A4GALT: variants seen among roughly 807,000 people sequenced by gnomAD.
A4GALT encodes lactosylceramide 4-alpha-galactosyltransferase.
For synonymous variants in A4GALT, 257 were observed against 220.7 expected (o/e 1.16, Z -1.46); for missense variants, 512 against 486.0 (o/e 1.05, Z -0.50).
Position 42,692,926 on chromosome 22 carries a change from G to C in A4GALT, c.1026C>G (p.Cys342Trp), listed in dbSNP as rs1443074760. ...TTTTCATGGCCTCGTGCGTCGTGGG[G>C]CAGTAGCGGGCATGCAGCTGGGCCA... Reference protein sequence around the residue: ...ALLAQLHARYCPTTHEAMKMY... With the variant: ...ALLAQLHARYWPTTHEAMKMY... The change falls in exon 3 of 3, where the codon TGC becomes TGG. Residue 342 changes from cysteine to tryptophan, a missense_variant. Cys to Trp is a radical substitution (Grantham distance 215). Transcript: ENST00000642412. This position sits in a 1 kb window ranked among gnomAD's most constrained non-coding sequence, Gnocchi z 4.6. 1 of 1,608,474 alleles carries C rather than the reference G, an allele frequency of 6.2e-7. No homozygotes were observed.
At chr22:42,719,213 T>G (rs1423189244) in intron 1 of A4GALT, among the ~76,000 whole-genome samples, 2 of 152,230 alleles carry the variant, frequency 1.3e-5, no homozygotes, top group African/African-American at 4.8e-5. Flanking sequence ...TAGATGGCTG[T>G]CCATTTTGGA....
chr22:42,714,579 C>T (rs1922000413), intron 1 of A4GALT, among the ~76,000 whole-genome samples: 1 of 151,488 alleles, frequency 6.6e-6, no homozygotes. Context: ...AAAAAAAGAT[C>T]AACCTAGCCA....
chr22:42,708,210 A>G (rs1410861328), intron 1 of A4GALT, among the ~76,000 whole-genome samples: 1 of 151,678 alleles, frequency 6.6e-6, no homozygotes, highest in Non-Finnish European at 1.5e-5. Flanking sequence ...TAACATGGAG[A>G]AACCCCATCT....
intron 1 of A4GALT, among the ~76,000 whole-genome samples, chr22:42,718,927 C>T (rs1280189405): frequency 6.6e-6 from 1 of 152,206 alleles, no homozygotes; most frequent in Non-Finnish European, 1.5e-5. Context: ...GGCCGTCCAC[C>T]TGCCACCACC....
At chr22:42,714,132 A>T (rs1432766598) in intron 1 of A4GALT, among the ~76,000 whole-genome samples, 2 of 151,868 alleles carry the variant, frequency 1.3e-5, no homozygotes, top group Non-Finnish European at 2.9e-5. Flanking sequence ...AAATAAAAAT[A>T]AAACAATTAG....
intron 1 of A4GALT, among the ~76,000 whole-genome samples, chr22:42,696,985 C>T (rs957925382): frequency 1.3e-5 from 2 of 151,530 alleles, no homozygotes; most frequent in African/African-American, 4.9e-5. Flanking sequence ...TCAGAGCCCC[C>T]TCGTTTCCTC....
chr22:42,702,344 T>G (rs1408751543), intron 1 of A4GALT, among the ~76,000 whole-genome samples: 1 of 150,968 alleles, frequency 6.6e-6, no homozygotes, highest in African/African-American at 2.4e-5. Context: ...CACTCTTTTT[T>G]TTTTTTTTTT....
intron 1 of A4GALT, among the ~76,000 whole-genome samples, chr22:42,698,466 C>T (rs972497567): frequency 4.6e-5 from 7 of 152,282 alleles, no homozygotes; most frequent in East Asian, 1.9e-4. Context: ...ACAGTAAGGG[C>T]GCTACCCCTC....
rs751901609 is a variant in A4GALT, at chr22:42,692,796, G to A, written c.*94C>T. 4.7e-6 allele frequency: 7 copies of A among 1,480,290 alleles called. No individual in the cohort carries two copies. In the Admixed American group the frequency reaches 5.3e-5, roughly 11 times the overall value. 91.7% of individuals were successfully genotyped at this position (1,480,290 alleles called of 1,614,324 possible). A position where few individuals can be genotyped will look rare whatever the true frequency, so the allele number is the denominator to read the frequency against. ...CTGCCTAAGCCCGGTGGCAGCTCGG[G>A]CCTCCCTCTCCCGGGCCCTCAATCT... is the stretch of plus-strand genomic sequence containing the variant. On this transcript the variant is annotated 3_prime_UTR_variant, in exon 3 of 3. Transcript: ENST00000642412. This position sits in a 1 kb window ranked among gnomAD's most constrained non-coding sequence, Gnocchi z 4.6.
At position 42,707,973 on chromosome 22, in the gene A4GALT, G is replaced by A. The variant is rs1019681142; in HGVS notation, c.-187-12342C>T. On this transcript the variant is annotated intron_variant, in intron 1 of 2. Transcript: ENST00000642412. The stretch of plus-strand genomic sequence containing the variant: ...GTCACTACAAAAAAAAAAAAAAAAG[G>A]CTGGGTGCGGTGGCTCACGCCTGTA... Among the ~76,000 whole-genome samples, 6 of 148,918 alleles carry A rather than the reference G, an allele frequency of 4.0e-5. No individual in the cohort carries two copies. In the East Asian group the frequency reaches 1.2e-3, roughly 29 times the overall value.
rs373021077 is a variant in A4GALT at position 42,699,499 on chromosome 22, G to A, written c.-187-3868C>T. Among the ~76,000 whole-genome samples, 61 of 152,270 alleles carry A rather than the reference G, an allele frequency of 4.0e-4. No individual in the cohort carries two copies. The South Asian group carries it at 7.9e-3, about 20-fold the overall frequency. ...CCTGTCACTCTCGGTCACATCACTC[G>A]ACATTTCCTTCAATGCCCTTGGTCA... is the stretch of plus-strand genomic sequence containing the variant. On this transcript the variant is annotated intron_variant, in intron 1 of 2. Coordinates refer to ENST00000642412, the MANE Select transcript of A4GALT (RefSeq NM_017436.7).
intron 2 of A4GALT, 52 bp from the exon 3 acceptor site, chr22:42,694,049 A>C: frequency 9.0e-7 from 1 of 1,105,606 alleles, no homozygotes; most frequent in Non-Finnish European, 1.3e-6. Context: ...TTCCCGATCC[A>C]CAAGGAAAAC....
intron 1 of A4GALT, among the ~76,000 whole-genome samples, chr22:42,702,804 G>T (rs534711465): frequency 6.9e-6 from 1 of 143,920 alleles, no homozygotes; most frequent in South Asian, 2.1e-4. Context: ...TTCACTTGCC[G>T]AGGACGCACC....
At chr22:42,701,991 C>G (rs750834512) in intron 1 of A4GALT, among the ~76,000 whole-genome samples, 1 of 152,298 alleles carries the variant, frequency 6.6e-6, no homozygotes, top group East Asian at 1.9e-4. Flanking sequence ...CCTCCTCAAT[C>G]GACCAATGAA....
chr22:42,714,898 G>C (rs1275444769), intron 1 of A4GALT, among the ~76,000 whole-genome samples: 2 of 152,096 alleles, frequency 1.3e-5, no homozygotes, highest in East Asian at 3.9e-4. Flanking sequence ...TCTGAAAAGG[G>C]GACATTTGCG....
intron 1 of A4GALT, among the ~76,000 whole-genome samples, chr22:42,699,602 G>C (rs1444630490): frequency 6.6e-6 from 1 of 152,208 alleles, no homozygotes; most frequent in Non-Finnish European, 1.5e-5. Context: ...GTTCCTGTGA[G>C]GGCAAGGGAC....
chr22:42,702,338 CTTTTT>C (rs36007921), intron 1 of A4GALT, among the ~76,000 whole-genome samples: 1 of 138,992 alleles, frequency 7.2e-6, no homozygotes, highest in African/African-American at 2.7e-5. Flanking sequence ...GGAACACACT[CTTTTT>C]TTTTTTTTTT....
chr22:42,711,348 C>T (rs1265195319), intron 1 of A4GALT, among the ~76,000 whole-genome samples: 1 of 152,208 alleles, frequency 6.6e-6, no homozygotes, highest in Non-Finnish European at 1.5e-5. Context: ...TCATACACAG[C>T]CAGTGGGCAT....
chr22:42,713,455 G>A (rs904721221), intron 1 of A4GALT, among the ~76,000 whole-genome samples: 1 of 152,220 alleles, frequency 6.6e-6, no homozygotes, highest in African/African-American at 2.4e-5. Context: ...CAACAGGGAA[G>A]AGAAGGATTG....
Sources: allele counts gnomAD v4.1 joint callset (sites outside exome capture counted in the v4.1 genomes callset), GRCh38; gene constraint gnomAD v4.1.1; non-coding constraint Gnocchi (gnomAD v3.1); transcripts MANE v1.5; gene names NCBI Gene and HGNC (gene_info 2026-07-23, HGNC 2026-07-21).